Variants in LAMC3 observed in about 807,000 individuals in gnomAD.
The protein encoded by LAMC3 is laminin subunit gamma 3, also known as laminin subunit gamma-3.
A neutral mutation model predicts 173.8 loss-of-function variants in LAMC3; 128 were observed. That is an observed-to-expected ratio of 0.74 (90% CI 0.64 to 0.85). The LOEUF (loss-of-function observed/expected upper bound fraction) is 0.85, where lower values mean the gene tolerates loss of function less well. Among genes scored for constraint, LAMC3 ranks in the 40% least tolerant of loss-of-function variants. LAMC3 has a pLI of 0.00. For missense variants in LAMC3, 2,022 were observed against 2,156.0 expected (o/e 0.94, Z 1.23); for synonymous variants, 897 against 909.1 (o/e 0.99, Z 0.24).
intron 27 of LAMC3, among the ~76,000 whole-genome samples, chr9:131,088,693 T>A (rs990251127): frequency 1.3e-5 from 2 of 152,164 alleles, no homozygotes; most frequent in African/African-American, 4.8e-5. Context: ...ACTTTCATCA[T>A]CTCCAACTGA....
intron 13 of LAMC3, among the ~76,000 whole-genome samples, chr9:131,062,275 C>T (rs898539258): frequency 6.6e-6 from 1 of 150,696 alleles, no homozygotes; most frequent in African/African-American, 2.4e-5. Context: ...GCAGGAGAAT[C>T]GCATGAACCC....
At chr9:131,087,296 C>T (rs1049048731) in intron 25 of LAMC3, among the ~76,000 whole-genome samples, 180 bp from the exon 26 acceptor site, 3 of 152,230 alleles carry the variant, frequency 2.0e-5, no homozygotes, top group Non-Finnish European at 4.4e-5. Flanking sequence ...TGGTATCCAG[C>T]AGTCTACACT....
rs10526087 is a variant in LAMC3, at chr9:131,041,366, C to CAAAAAAAAA, written c.1284-270_1284-262dup. 1.8e-4 allele frequency among the ~76,000 whole-genome samples: 21 copies of CAAAAAAAAA among 114,582 alleles called. 7 individuals are homozygous for CAAAAAAAAA. Among genetic ancestry groups the CAAAAAAAAA allele is most frequent in the Non-Finnish European group, 1.8e-4 (10 of 54,740 alleles). 75.2% of individuals were successfully genotyped at this position (114,582 alleles called of 152,430 possible). On this transcript the variant is annotated intron_variant, in intron 6 of 27. Coordinates refer to ENST00000361069, the MANE Select transcript of LAMC3 (RefSeq NM_006059.4). ...TGGGTGGCAAAGTGTGACTCTGTCC[C>CAAAAAAAAA]AAAAAAAAAGATTCATGGATGATGA...
intron 27 of LAMC3, among the ~76,000 whole-genome samples, chr9:131,088,355 C>T (rs914586220): frequency 2.6e-5 from 4 of 152,090 alleles, no homozygotes; most frequent in African/African-American, 4.8e-5. Context: ...GTTTAGAAAG[C>T]GCTTACCACG....
chr9:131,087,888 T>A lies in LAMC3; in HGVS notation c.4477+71T>A, dbSNP rs544837778. On this transcript the variant is annotated intron_variant, in intron 27 of 27. Coordinates refer to ENST00000361069, the MANE Select transcript of LAMC3 (RefSeq NM_006059.4). ...GCACCTCTAGGATCTTCCTGTGAGC[T>A]CCAGTCCTGGGGAAGATTTCCTCCT... is the stretch of plus-strand genomic sequence containing the variant. The A allele has an allele frequency of 5.6e-5, 68 of 1,204,752 alleles. No individual in the cohort carries two copies. In the African/African-American group the frequency reaches 9.0e-4, roughly 16 times the overall value. 74.6% of individuals were successfully genotyped at this position (1,204,752 alleles called of 1,614,324 possible). A position where few individuals can be genotyped will look rare whatever the true frequency, so the allele number is the denominator to read the frequency against.
Position 131,066,848 on chromosome 9 carries a change from G to C in LAMC3, c.2348-112G>C, listed in dbSNP as rs1394138650. The C allele has an allele frequency of 4.9e-6, 7 of 1,439,038 alleles. No homozygotes were observed. The East Asian group carries it at 9.1e-5, about 19-fold the overall frequency. The allele number at this position is 1,439,038 out of a possible 1,614,324, so 89.1% of individuals were successfully genotyped here. A position where few individuals can be genotyped will look rare whatever the true frequency, so the allele number is the denominator to read the frequency against. The stretch of plus-strand genomic sequence containing the variant: ...GCCGGTCCCAGGTCCTCCTGCCCAA[G>C]CCCGTGCTGCTCCGGGGAAGGTGGA... On this transcript the variant is annotated intron_variant, in intron 13 of 27. Transcript: ENST00000361069.
At chr9:131,013,863 G>C (rs527489707) in intron 1 of LAMC3, among the ~76,000 whole-genome samples, 1 of 152,276 alleles carries the variant, frequency 6.6e-6, no homozygotes, top group East Asian at 1.9e-4. Flanking sequence ...AGGGGTCCTG[G>C]AGCCAGCTGG....
At position 131,091,548 on chromosome 9, in the gene LAMC3, A is replaced by G. The variant is rs1588173623; in HGVS notation, c.4489A>G (p.Thr1497Ala). The change falls in exon 28 of 28, where the codon ACC becomes GCC. Residue 1497 changes from threonine to alanine, a missense_variant. Physicochemically the swap from Thr to Ala is moderately conservative, Grantham distance 58. Transcript: ENST00000361069. The stretch of plus-strand genomic sequence containing the variant: ...GTGCCCCACCACAGGGTCGCTGGAC[A>G]CCCATCAAGCCCCAGCCCAGGCCCT... Reference protein sequence around the residue: ...ELLARLGSLDTHQAPAQALNE... With the variant: ...ELLARLGSLDAHQAPAQALNE... 2.5e-6 allele frequency: 4 copies of G among 1,582,412 alleles called. No homozygotes were observed. The highest frequency in any genetic ancestry group is 3.4e-6 in the Non-Finnish European group (4 of 1,165,112).
In LAMC3 at chr9:131,038,911, C is replaced by A. The variant is rs766494345; in HGVS notation, c.1024C>A (p.Leu342Ile). ...CGAGGAATGCACGTTTGATCGGGAG[C>A]TCTTCCGCAGCACAGGCCACGGCGG... ...RSEECTFDRE[L>I]FRSTGHGGRC... Residue 342 changes from leucine to isoleucine, a missense_variant, in exon 5 of 28, where the codon CTC becomes ATC. Transcript: ENST00000361069. The A allele has an allele frequency of 6.8e-6, 11 of 1,613,324 alleles. No individual in the cohort carries two copies. Among genetic ancestry groups the A allele is most frequent in the Middle Eastern group, 1.6e-4 (1 of 6,084 alleles).
At chr9:131,013,129 G>T (rs1833454818) in intron 1 of LAMC3, among the ~76,000 whole-genome samples, 1 of 152,254 alleles carries the variant, frequency 6.6e-6, no homozygotes, top group African/African-American at 2.4e-5. Context: ...GGCATGCTTT[G>T]TTCTTTTACA....
chr9:131,053,032 C>G, intron 11 of LAMC3, 67 bp downstream of exon 11: 1 of 1,200,870 alleles, frequency 8.3e-7, no homozygotes, highest in Non-Finnish European at 1.2e-6. Flanking sequence ...GGCTGGGCTC[C>G]GGCGGTCACA....
intron 6 of LAMC3, among the ~76,000 whole-genome samples, chr9:131,041,366 C>CAA (rs10526087): frequency 4.4e-5 from 5 of 114,592 alleles, no homozygotes; most frequent in Admixed American, 9.0e-5. Context: ...GACTCTGTCC[C>CAA]AAAAAAAAAG....
chr9:131,018,142 T>A (rs2133212120), intron 1 of LAMC3, among the ~76,000 whole-genome samples: 1 of 151,780 alleles, frequency 6.6e-6, no homozygotes, highest in South Asian at 2.1e-4. Context: ...AGATCTTTTT[T>A]TTTTTTTTTC....
At chr9:131,010,500 A>G (rs34204663) in intron 1 of LAMC3, among the ~76,000 whole-genome samples, 18,724 of 152,226 alleles carry the variant, frequency 0.12, 2,461 homozygotes, top group African/African-American at 0.33. Flanking sequence ...ATCCTAGACC[A>G]GAACTGTTGG....
chr9:131,022,237 C>T (rs1284271052), intron 1 of LAMC3, among the ~76,000 whole-genome samples: 1 of 151,982 alleles, frequency 6.6e-6, no homozygotes, highest in East Asian at 1.9e-4. Flanking sequence ...CACACACACA[C>T]ACACACATAT....
intron 4 of LAMC3, among the ~76,000 whole-genome samples, 180 bp downstream of exon 4, chr9:131,036,512 A>G (rs570654206): frequency 7.2e-5 from 11 of 152,158 alleles, no homozygotes; most frequent in African/African-American, 2.6e-4. Flanking sequence ...GAGGGGGTGC[A>G]TTTAAGCCTC....
chr9:131,085,556 C>G lies in LAMC3; in HGVS notation c.4063C>G (p.Gln1355Glu), dbSNP rs1175226757. 1.9e-6 allele frequency: 3 copies of G among 1,614,094 alleles called. No homozygotes were observed. Among genetic ancestry groups the G allele is most frequent in the Non-Finnish European group, 2.5e-6 (3 of 1,180,036 alleles). Reference protein sequence around the residue: ...MKLQFPRPKDQAALQRKADSV... With the variant: ...MKLQFPRPKDEAALQRKADSV... The stretch of plus-strand genomic sequence containing the variant: ...GCTGCAGTTTCCCCGGCCCAAGGAC[C>G]AGGCGGCATTGCAGAGGAAGGCAGA... The change falls in exon 25 of 28, where the codon CAG (glutamine) becomes GAG (glutamate). Residue 1355 changes from glutamine (Q) to glutamate (E), a missense_variant. Transcript: ENST00000361069.
chr9:131,068,331 C>T (rs746739449), intron 15 of LAMC3, 100 bp downstream of exon 15: 67 of 1,229,470 alleles, frequency 5.4e-5, no homozygotes, highest in Non-Finnish European at 7.6e-5. Context: ...AGGTGTTGTC[C>T]TAGGCCCACT....
rs1262598398 is a variant in LAMC3, at chr9:131,026,451, C to A, written c.540C>A (p.Arg180=). The A allele has an allele frequency of 1.2e-6, 2 of 1,613,642 alleles. No homozygotes were observed. Among genetic ancestry groups the A allele is most frequent in the Non-Finnish European group, 1.7e-6 (2 of 1,179,878 alleles). Residue 180 remains arginine, a synonymous_variant, in exon 2 of 28, where the codon CGC becomes CGA. Coordinates refer to ENST00000361069, the MANE Select transcript of LAMC3 (RefSeq NM_006059.4). This position sits in a 1 kb window ranked among gnomAD's most constrained non-coding sequence, Gnocchi z 4.8. ...GCCGGCCCGAGGGCCAGTACCTGCG[C>A]CCCGGCGAGGACGAGCGCGTGGCCT... is the stretch of plus-strand genomic sequence containing the variant. ...TYGRPEGQYL[R]PGEDERVAFC...
Sources: allele counts gnomAD v4.1 joint callset (sites outside exome capture counted in the v4.1 genomes callset), GRCh38; gene constraint gnomAD v4.1.1; non-coding constraint Gnocchi (gnomAD v3.1); transcripts MANE v1.5; gene names NCBI Gene and HGNC (gene_info 2026-07-23, HGNC 2026-07-21).